The following WWOX variants were observed in gnomAD, a reference collection of about 807,000 sequenced individuals.
WWOX encodes WW domain-containing oxidoreductase.
In WWOX, 69 loss-of-function variants were observed where a neutral mutation model predicts 46.2. That is an observed-to-expected ratio of 1.49 (90% CI 1.23 to 1.82). The LOEUF (loss-of-function observed/expected upper bound fraction) is 1.82. Among genes scored for constraint, WWOX ranks in the 40% most tolerant of loss-of-function variants. The pLI, the probability that WWOX is intolerant of heterozygous loss-of-function variation, is 0.00. For synonymous variants in WWOX, 359 were observed against 202.6 expected (o/e 1.77, Z -6.56); for missense variants, 919 against 542.6 (o/e 1.69, Z -6.89).
rs1306303720 is a variant in WWOX, at chr16:79,211,816, G to GGC, written c.*21_*22dup. The GGC allele has an allele frequency of 6.2e-7, 1 of 1,613,634 alleles. No homozygotes were observed. The highest frequency in any genetic ancestry group is 8.5e-7 in the Non-Finnish European group (1 of 1,179,976). On this transcript the variant is annotated 3_prime_UTR_variant, in exon 9 of 9. Coordinates refer to ENST00000566780, the MANE Select transcript of WWOX (RefSeq NM_016373.4). Reference sequence around the variant, plus strand: ...GGCTAAGTGGAGCTCAGAGCGGATGGGCACACACACCCGCCCTGTGTGTGT... The same window carrying GGC: ...GGCTAAGTGGAGCTCAGAGCGGATGGGCGCACACACACCCGCCCTGTGTGTGT...
chr16:78,586,173 A>G (rs935173657), intron 8 of WWOX, among the ~76,000 whole-genome samples: 2 of 152,182 alleles, frequency 1.3e-5, no homozygotes, highest in African/African-American at 4.8e-5. Context: ...CCTGGGCAAC[A>G]TAGCGAGACC....
intron 8 of WWOX, among the ~76,000 whole-genome samples, chr16:78,929,233 C>G (rs1010417495): frequency 1.3e-5 from 2 of 150,012 alleles, no homozygotes; most frequent in African/African-American, 5.0e-5. Flanking sequence ...TTCTGTTGGG[C>G]TTTTATGTTA....
intron 8 of WWOX, among the ~76,000 whole-genome samples, chr16:78,653,321 C>T (rs139856592): frequency 2.0e-5 from 3 of 152,184 alleles, no homozygotes; most frequent in Non-Finnish European, 2.9e-5. Flanking sequence ...AAAAATAACT[C>T]AGGCTTATTT....
At chr16:78,752,776 A>C (rs1252413638) in intron 8 of WWOX, among the ~76,000 whole-genome samples, 1 of 152,222 alleles carries the variant, frequency 6.6e-6, no homozygotes, top group Non-Finnish European at 1.5e-5. Flanking sequence ...TGTAATAAGT[A>C]GTCTCCAATA....
intron 8 of WWOX, among the ~76,000 whole-genome samples, chr16:78,553,749 A>G (rs956762640): frequency 6.6e-6 from 1 of 152,062 alleles, no homozygotes; most frequent in Non-Finnish European, 1.5e-5. Flanking sequence ...CAGGGTGACC[A>G]GAGTAAGTGA....
chr16:78,505,271 T>G (rs2085166221), intron 8 of WWOX, among the ~76,000 whole-genome samples: 1 of 152,190 alleles, frequency 6.6e-6, no homozygotes, highest in Admixed American at 6.5e-5. Context: ...CTTTTCTGTT[T>G]ATATTATTTC....
chr16:79,009,142 T>G (rs2047252768), intron 8 of WWOX, among the ~76,000 whole-genome samples: 1 of 152,230 alleles, frequency 6.6e-6, no homozygotes, highest in Non-Finnish European at 1.5e-5. Flanking sequence ...GATGATCATC[T>G]TCCCTGCTAA....
chr16:78,867,633 C>T (rs904757488), intron 8 of WWOX, among the ~76,000 whole-genome samples: 3 of 151,904 alleles, frequency 2.0e-5, no homozygotes, highest in Non-Finnish European at 2.9e-5. Flanking sequence ...TACAACATCC[C>T]AGGTTCAAGA....
intron 8 of WWOX, among the ~76,000 whole-genome samples, chr16:78,726,073 C>CCCTCCCTCCCTCTT (rs2048825251): frequency 2.9e-5 from 4 of 136,984 alleles, no homozygotes; most frequent in Non-Finnish European, 4.7e-5. Context: ...TGCTTCCCTT[C>CCCTCCCTCCCTCTT]CCTCCCTCCC....
rs1295415536 is a variant in WWOX, at chr16:78,728,097, C to T, written c.1056+295345C>T. Among the ~76,000 whole-genome samples the T allele has an allele frequency of 2.5e-5, 3 of 117,842 alleles. No homozygotes were observed. In the Admixed American group the frequency reaches 3.2e-4, roughly 13 times the overall value. 77.3% of individuals were successfully genotyped at this position (117,842 alleles called of 152,430 possible). A position where few individuals can be genotyped will look rare whatever the true frequency, so the allele number is the denominator to read the frequency against. On this transcript the variant is annotated intron_variant, in intron 8 of 8. Transcript: ENST00000566780. ...TTTTTTTTTTTGAGAAAGGGTCTCA[C>T]TGTGTCACCCAAGCTGGAGTGCAGT...
intron 8 of WWOX, among the ~76,000 whole-genome samples, chr16:78,692,139 A>C (rs1160145957): frequency 6.6e-6 from 1 of 152,178 alleles, no homozygotes; most frequent in Non-Finnish European, 1.5e-5. Flanking sequence ...CAGCAGCGTG[A>C]AAACGGACTA....
intron 8 of WWOX, among the ~76,000 whole-genome samples, chr16:78,669,076 C>T (rs2047399452): frequency 1.3e-5 from 2 of 152,206 alleles, no homozygotes; most frequent in African/African-American, 4.8e-5. Flanking sequence ...ACTGAAGCTA[C>T]AACTGGAGCT....
chr16:79,007,531 A>G (rs1353595346), intron 8 of WWOX, among the ~76,000 whole-genome samples: 3 of 152,248 alleles, frequency 2.0e-5, no homozygotes, highest in Non-Finnish European at 2.9e-5. Flanking sequence ...AAGCTGGATA[A>G]GAGCACCCAA....
intron 8 of WWOX, among the ~76,000 whole-genome samples, chr16:79,096,006 C>T (rs1157933342): frequency 7.0e-6 from 1 of 142,112 alleles, no homozygotes; most frequent in Non-Finnish European, 1.5e-5. Flanking sequence ...TGCGCTGCCA[C>T]ACCCGGATAA....
intron 8 of WWOX, among the ~76,000 whole-genome samples, chr16:78,760,372 G>A (rs146916899): frequency 1.8e-4 from 28 of 152,296 alleles, no homozygotes; most frequent in African/African-American, 6.7e-4. Flanking sequence ...TGGGGACACA[G>A]CCAAACCATA....
At chr16:78,160,445 T>C (rs1175958263) in intron 4 of WWOX, among the ~76,000 whole-genome samples, 1 of 152,210 alleles carries the variant, frequency 6.6e-6, no homozygotes, top group Non-Finnish European at 1.5e-5. Context: ...TATATGTAGT[T>C]AAGGCTATAG....
chr16:78,774,179 G>T (rs1035714956), intron 8 of WWOX, among the ~76,000 whole-genome samples: 6 of 152,282 alleles, frequency 3.9e-5, no homozygotes, highest in African/African-American at 1.4e-4. Context: ...AAGGCAGGCA[G>T]ATCATGAGGT....
intron 8 of WWOX, among the ~76,000 whole-genome samples, chr16:78,758,156 A>T (rs2049702224): frequency 6.6e-6 from 1 of 152,220 alleles, no homozygotes; most frequent in African/African-American, 2.4e-5. Flanking sequence ...GAAATGTTCT[A>T]TTTCCATCGT....
At chr16:78,244,207 G>A (rs1275720685) in intron 5 of WWOX, among the ~76,000 whole-genome samples, 6 of 152,178 alleles carry the variant, frequency 3.9e-5, no homozygotes, top group Non-Finnish European at 7.3e-5. Flanking sequence ...CTTCCCGATG[G>A]GGGTTAAATA....
Sources: allele counts gnomAD v4.1 joint callset (sites outside exome capture counted in the v4.1 genomes callset), GRCh38; gene constraint gnomAD v4.1.1; transcripts MANE v1.5; gene names NCBI Gene and HGNC (gene_info 2026-07-23, HGNC 2026-07-21).